The following EPG5 variants were observed in gnomAD, a reference collection of about 807,000 sequenced individuals.
EPG5 encodes the protein ectopic P granules protein 5 homolog.
In EPG5, 159 loss-of-function variants were observed where a neutral mutation model predicts 302.7. The observed-to-expected ratio is 0.53, with a 90% CI of 0.46 to 0.60. The LOEUF (loss-of-function observed/expected upper bound fraction) is 0.60. EPG5 is among the 20% of genes least tolerant of loss of function. The pLI, the probability that EPG5 is intolerant of heterozygous loss-of-function variation, is 0.00. For missense variants in EPG5, 2,896 were observed against 3,092.4 expected, an observed-to-expected ratio of 0.94 and a Z score of 1.51; for synonymous variants, 1,158 against 1,136.8, an observed-to-expected ratio of 1.02 and a Z score of -0.37.
At chr18:45,837,582 T>G in the EPG5 span, 2 of 1,515,464 alleles carry the variant, frequency 1.3e-6, no homozygotes, top group Non-Finnish European at 1.8e-6. Context: ...GACGCGGCAG[T>G]GCTGCCCTGC....
chr18:45,901,401 A>G (rs542717592), intron 25 of EPG5, among the ~76,000 whole-genome samples: 14 of 152,254 alleles, frequency 9.2e-5, no homozygotes, highest in African/African-American at 3.4e-4. Context: ...TTACGCTAAT[A>G]TCACGTGGAT....
chr18:45,865,351 G>A (rs929173616), intron 39 of EPG5, among the ~76,000 whole-genome samples: 10 of 152,066 alleles, frequency 6.6e-5, no homozygotes, highest in East Asian at 1.9e-4. Flanking sequence ...TAGAAATGCC[G>A]CTCACTGAAA....
rs1424774896 is a variant in EPG5, at chr18:45,954,437, T to G, written c.965A>C (p.Lys322Thr). Residue 322 changes from lysine (K) to threonine (T), a missense_variant, in exon 2 of 44, where the codon AAA becomes ACA. Transcript: ENST00000282041. ...LTLTSDCQNA[K>T]SRLWQFKEEQ... ...CTCCTTAAACTGCCACAGCCGACTT[T>G]TAGCATTTTGGCAATCAGATGTCAG... The G allele has an allele frequency of 6.2e-7, 1 of 1,613,880 alleles. No individual in the cohort carries two copies. Among genetic ancestry groups the G allele is most frequent in the South Asian group, 1.1e-5 (1 of 91,024 alleles).
At position 45,860,234 on chromosome 18, in the gene EPG5, C is replaced by A; in HGVS notation, c.6879G>T (p.Arg2293=). ...CATGCATTTTTTGGCCAATCCAGGT[C>A]CGGATACTGCCCCGAAGGAACTCTG... ...PTAEFLRGSI[R]TWIGQKMHGL... is the part of the protein sequence containing the mutation. The change falls in exon 40 of 44, where the codon CGG becomes CGT. Residue 2293 remains arginine, a synonymous_variant. Coordinates refer to ENST00000282041, the MANE Select transcript of EPG5 (RefSeq NM_020964.3). 6.2e-7 allele frequency: 1 copy of A among 1,614,222 alleles called. No individual in the cohort carries two copies. The highest frequency in any genetic ancestry group is 2.2e-5 in the East Asian group (1 of 44,884).
the EPG5 span, among the ~76,000 whole-genome samples, chr18:45,816,461 T>C: frequency 2.0e-5 from 3 of 151,574 alleles, no homozygotes; most frequent in African/African-American, 4.9e-5. Context: ...CATCAAAAAG[T>C]GGGCTAGGGA....
chr18:45,832,311 C>T, the EPG5 span, among the ~76,000 whole-genome samples: 1 of 151,570 alleles, frequency 6.6e-6, no homozygotes, highest in Non-Finnish European at 1.5e-5. Flanking sequence ...CTAGGACGTG[C>T]CAGGCACAGA....
At chr18:45,912,647 G>A (rs2049932675) in intron 21 of EPG5, among the ~76,000 whole-genome samples, 191 bp from the exon 22 acceptor site, 1 of 152,184 alleles carries the variant, frequency 6.6e-6, no homozygotes, top group Non-Finnish European at 1.5e-5. Flanking sequence ...AGCAAGACAT[G>A]TAGGGCAGCT....
At chr18:45,937,277 C>T (rs866870288) in intron 10 of EPG5, among the ~76,000 whole-genome samples, 2 of 116,140 alleles carry the variant, frequency 1.7e-5, no homozygotes, top group Admixed American at 9.3e-5. Flanking sequence ...CACACACACA[C>T]ATATGTATAC....
chr18:45,879,306 C>A lies in EPG5; in HGVS notation c.5668-92G>T, dbSNP rs142657356. 1,730 of 861,054 alleles carry A rather than the reference C, an allele frequency of 2.0e-3. 21 individuals carry two copies. The East Asian group carries it at 0.025, about 12-fold the overall frequency. The allele number at this position is 861,054 out of a possible 1,614,324, so 53.3% of individuals were successfully genotyped here. On this transcript the variant is annotated intron_variant, in intron 32 of 43. Transcript: ENST00000282041. ...TGTGATGGGGGTGTATATAGTAGGT[C>A]TTTGACTTTATAAGAGAGTGGCAAA...
In EPG5 at chr18:45,930,926, A is replaced by T. The variant is rs2050383857; in HGVS notation, c.2258-96T>A. 5 of 1,176,602 alleles carry T rather than the reference A, an allele frequency of 4.2e-6. No homozygotes were observed. The Admixed American group carries it at 1.7e-4, about 40-fold the overall frequency. The allele number at this position is 1,176,602 out of a possible 1,614,324, so 72.9% of individuals were successfully genotyped here. On this transcript the variant is annotated intron_variant, in intron 11 of 43. Coordinates refer to ENST00000282041, the MANE Select transcript of EPG5 (RefSeq NM_020964.3). ...GAAAAAGATTTAGGAATATTTAAAG[A>T]TACAAAAGGTCTTTCTTTGTTCCAA...
At chr18:45,879,797 C>T (rs1050830592) in intron 32 of EPG5, among the ~76,000 whole-genome samples, 1 of 152,144 alleles carries the variant, frequency 6.6e-6, no homozygotes, top group African/African-American at 2.4e-5. Context: ...AGAAACCCGA[C>T]CAGAGGTCTC....
In EPG5 at chr18:45,893,118, A is replaced by G. The variant is rs561995367; in HGVS notation, c.4810-3178T>C. Among the ~76,000 whole-genome samples, 258 of 152,272 alleles carry G rather than the reference A, an allele frequency of 1.7e-3. 2 individuals are homozygous for G. The highest frequency in any genetic ancestry group is 5.9e-3 in the African/African-American group (246 of 41,546). ...CAGCTGAAACAGCTGAAGCAAAACG[A>G]CCTGGCAATATTGAATGGGAAAAGT... is the stretch of plus-strand genomic sequence containing the variant. On this transcript the variant is annotated intron_variant, in intron 27 of 43. Coordinates refer to ENST00000282041, the MANE Select transcript of EPG5 (RefSeq NM_020964.3).
chr18:45,810,649 C>T, the EPG5 span, among the ~76,000 whole-genome samples: 4 of 152,030 alleles, frequency 2.6e-5, no homozygotes, highest in African/African-American at 4.8e-5. Context: ...GGCATTGTGG[C>T]GCACACCTGT....
chr18:45,952,619 C>T lies in EPG5; in HGVS notation c.1033G>A (p.Val345Ile). 1 of 1,614,184 alleles carries T rather than the reference C, an allele frequency of 6.2e-7. No individual in the cohort carries two copies. Among genetic ancestry groups the T allele is most frequent in the Non-Finnish European group, 8.5e-7 (1 of 1,180,032 alleles). Reference protein sequence around the residue: ...VQGICADQVKVFSYHRYQRVE... With the variant: ...VQGICADQVKIFSYHRYQRVE... ...CTTTGGTAGCGATGATAGCTGAAAACTTTCACTTGATCTGCACAGATACCC... is the reference window on the plus strand; with the variant it reads ...CTTTGGTAGCGATGATAGCTGAAAATTTTCACTTGATCTGCACAGATACCC... The change falls in exon 3 of 44, where the codon GTT becomes ATT. Residue 345 changes from valine (V) to isoleucine (I), a missense_variant. By Grantham distance (29) the Val-to-Ile change is conservative (BLOSUM62 3). Coordinates refer to ENST00000282041, the MANE Select transcript of EPG5 (RefSeq NM_020964.3).
At chr18:45,842,312 C>A in the EPG5 span, 2 of 1,000,452 alleles carry the variant, frequency 2.0e-6, no homozygotes, top group Admixed American at 2.0e-5. Flanking sequence ...GTGGCTCCTC[C>A]CCTGCTCAAG....
In EPG5 at chr18:45,887,837, T is replaced by C. The variant is rs200776693; in HGVS notation, c.5023A>G (p.Thr1675Ala). ...TCATCGCTGACGTAATCCACAATAG[T>C]AAAGAAAAGGCTAATGCCAACTTTC... Reference protein sequence around the residue: ...IQKVGISLFFTIVDYVSDETQ... With the variant: ...IQKVGISLFFAIVDYVSDETQ... The change falls in exon 29 of 44, where the codon ACT (threonine) becomes GCT (alanine). Residue 1675 changes from threonine to alanine, a missense_variant. Thr to Ala is a moderately conservative substitution (Grantham distance 58). This residue lies in a region of EPG5 where 790 missense variants were observed against 798.0 expected (regional missense o/e 0.99). Transcript: ENST00000282041. 2.8e-5 allele frequency: 45 copies of C among 1,605,182 alleles called. No homozygotes were observed. Among genetic ancestry groups the C allele is most frequent in the Middle Eastern group, 3.3e-4 (2 of 6,048 alleles).
At chr18:45,926,959 A>G (rs2050284662) in intron 13 of EPG5, among the ~76,000 whole-genome samples, 1 of 152,046 alleles carries the variant, frequency 6.6e-6, no homozygotes, top group South Asian at 2.1e-4. Context: ...AAAACTTCCT[A>G]CTGTATTGAA....
intron 11 of EPG5, among the ~76,000 whole-genome samples, chr18:45,934,566 A>G (rs555910227): frequency 1.3e-5 from 2 of 152,320 alleles, no homozygotes; most frequent in East Asian, 3.9e-4. Flanking sequence ...TGCTTCCTAA[A>G]AGTTAGAATA....
intron 10 of EPG5, among the ~76,000 whole-genome samples, chr18:45,937,119 A>T (rs953017401): frequency 6.6e-6 from 1 of 151,876 alleles, no homozygotes; most frequent in Admixed American, 6.6e-5. Flanking sequence ...ACCCCAAAAC[A>T]AAGAAGGGAA....
Sources: gnomAD v4.1 joint callset for allele counts (sites outside exome capture counted in the v4.1 genomes callset) on GRCh38, gnomAD v4.1.1 for gene constraint, gnomAD v4.1.1 regional missense constraint, MANE v1.5 for transcripts, NCBI Gene and HGNC (gene_info 2026-07-23, HGNC 2026-07-21) for gene names.